Variants in SLC31A2 observed in about 807,000 individuals in gnomAD.
SLC31A2 encodes the protein solute carrier family 31 member 2, also known as protein SLC31A2.
A neutral mutation model predicts 14.4 loss-of-function variants in SLC31A2; 16 were observed. That is an observed-to-expected ratio of 1.11 (90% CI 0.75 to 1.69). The LOEUF is 1.69. Among genes scored for constraint, SLC31A2 ranks in the 40% most tolerant of loss-of-function variants. The probability of loss-of-function intolerance (pLI) is 0.00; values close to 1 mark genes in which losing one functional copy is unlikely to be tolerated. For missense variants in SLC31A2, 140 were observed against 173.9 expected (o/e 0.81, Z 1.10); for synonymous variants, 56 against 68.7 (o/e 0.82, Z 0.91).
At chr9:113,154,365 G>C (rs1055333026) in intron 1 of SLC31A2, among the ~76,000 whole-genome samples, 1 of 152,168 alleles carries the variant, frequency 6.6e-6, no homozygotes, top group East Asian at 1.9e-4. Context: ...CCACGCAGCT[G>C]GTTCCTGGCA....
In SLC31A2 at chr9:113,163,775, T is replaced by G. The variant is rs755159733; in HGVS notation, c.*858T>G. On this transcript the variant is annotated 3_prime_UTR_variant, in exon 4 of 4. Coordinates refer to ENST00000259392, the MANE Select transcript of SLC31A2 (RefSeq NM_001860.3). Reference sequence around the variant, plus strand: ...TTCGTGGCCTCAATGCCCTCCTTTATCCTCATCTTTCTTCTATGCAGAACA... The same window carrying G: ...TTCGTGGCCTCAATGCCCTCCTTTAGCCTCATCTTTCTTCTATGCAGAACA... The G allele has an allele frequency of 6.6e-6, 1 of 152,648 alleles. No individual in the cohort carries two copies. Among genetic ancestry groups the G allele is most frequent in the Non-Finnish European group, 1.5e-5 (1 of 68,060 alleles). The allele number at this position is 152,648 out of a possible 1,614,324, so 9.5% of individuals were successfully genotyped here. A position where few individuals can be genotyped will look rare whatever the true frequency, so the allele number is the denominator to read the frequency against.
chr9:113,161,643 A>G lies in SLC31A2; in HGVS notation c.208A>G (p.Thr70Ala), dbSNP rs1830014212. 1 of 1,613,898 alleles carries G rather than the reference A, an allele frequency of 6.2e-7. No individual in the cohort carries two copies. Among genetic ancestry groups the G allele is most frequent in the Non-Finnish European group, 8.5e-7 (1 of 1,179,904 alleles). ...CATCAGCCAGCAGACCATCGCAGAG[A>G]CAGACGGGGACTCTGCAGGCTCAGA... is the stretch of plus-strand genomic sequence containing the variant. ...TSISQQTIAETDGDSAGSDSF... is the reference protein window; with the variant it reads ...TSISQQTIAEADGDSAGSDSF... The change falls in exon 3 of 4, where the codon ACA (threonine) becomes GCA (alanine). Residue 70 changes from threonine to alanine, a missense_variant. Transcript: ENST00000259392.
intron 2 of SLC31A2, 160 bp downstream of exon 2, chr9:113,157,953 C>T: frequency 1.4e-6 from 1 of 705,228 alleles, no homozygotes; most frequent in South Asian, 1.5e-5. Flanking sequence ...CCATTTGTAA[C>T]CACTCCCCTT....
intron 2 of SLC31A2, chr9:113,161,203 T>C (rs1033077475): frequency 5.1e-6 from 2 of 389,426 alleles, no homozygotes; most frequent in Non-Finnish European, 4.7e-6. Flanking sequence ...CTTGCAGTAC[T>C]CATCACTTAA....
At chr9:113,153,297 A>G (rs1829892815) in intron 1 of SLC31A2, among the ~76,000 whole-genome samples, 1 of 152,110 alleles carries the variant, frequency 6.6e-6, no homozygotes, top group Non-Finnish European at 1.5e-5. Flanking sequence ...AGTCTTCAAC[A>G]TGATCTTTAT....
intron 2 of SLC31A2, 176 bp downstream of exon 2, chr9:113,157,969 C>T (rs1011859890): frequency 2.5e-5 from 17 of 688,578 alleles, no homozygotes; most frequent in Admixed American, 2.0e-4. Flanking sequence ...CCCTTCAGAT[C>T]GCAAAGGGCT....
chr9:113,160,018 TA>T (rs1321263460), intron 2 of SLC31A2, among the ~76,000 whole-genome samples: 25 of 151,986 alleles, frequency 1.6e-4, no homozygotes, highest in African/African-American at 5.8e-4. Flanking sequence ...CTACTAAAAA[TA>T]CAAAAAAATT....
intron 1 of SLC31A2, chr9:113,152,214 A>G (rs1475650929): frequency 6.6e-6 from 1 of 152,264 alleles, no homozygotes; most frequent in East Asian, 1.9e-4. Context: ...CCCCACCCTG[A>G]AAAAAGCACA....
chr9:113,155,731 C>T (rs1181183621), intron 1 of SLC31A2, among the ~76,000 whole-genome samples: 2 of 152,002 alleles, frequency 1.3e-5, no homozygotes, highest in African/African-American at 4.8e-5. Context: ...CTGTACTTCT[C>T]CCATGGAACA....
In SLC31A2 at chr9:113,151,074, C is replaced by G; in HGVS notation, c.-1C>G. The G allele has an allele frequency of 7.6e-7, 1 of 1,308,572 alleles. No homozygotes were observed. Among genetic ancestry groups the G allele is most frequent in the Non-Finnish European group, 9.8e-7 (1 of 1,020,856 alleles). The allele number at this position is 1,308,572 out of a possible 1,614,324, so 81.1% of individuals were successfully genotyped here. A position where few individuals can be genotyped will look rare whatever the true frequency, so the allele number is the denominator to read the frequency against. ...CCTGGCGCCCGCCCTGCGCACTCAC[C>G]ATGGCGGTAAGGGCCGGGCGCTACG... On this transcript the variant is annotated 5_prime_UTR_variant, in exon 1 of 4. Coordinates refer to ENST00000259392, the MANE Select transcript of SLC31A2 (RefSeq NM_001860.3). This position sits in a 1 kb window ranked among gnomAD's most constrained non-coding sequence, Gnocchi z 4.2.
chr9:113,156,150 G>C, intron 1 of SLC31A2: 1 of 517,826 alleles, frequency 1.9e-6, no homozygotes, highest in South Asian at 1.4e-5. Context: ...ACTGACGTTT[G>C]CCTCCACCGG....
In SLC31A2 at chr9:113,151,033, A is replaced by C; in HGVS notation, c.-42A>C. ...AACTGACTCGGAGCGAGGAGACCCGAGCGAGCAGACGCGGCCCTGGCGCCC... is the reference window on the plus strand; with the variant it reads ...AACTGACTCGGAGCGAGGAGACCCGCGCGAGCAGACGCGGCCCTGGCGCCC... On this transcript the variant is annotated 5_prime_UTR_variant, in exon 1 of 4. Transcript: ENST00000259392. This position sits in a 1 kb window ranked among gnomAD's most constrained non-coding sequence, Gnocchi z 4.2. The C allele has an allele frequency of 7.7e-7, 1 of 1,299,886 alleles. No homozygotes were observed. Among genetic ancestry groups the C allele is most frequent in the Non-Finnish European group, 9.8e-7 (1 of 1,018,432 alleles). The allele number at this position is 1,299,886 out of a possible 1,614,324, so 80.5% of individuals were successfully genotyped here.
chr9:113,162,716 A>G, intron 3 of SLC31A2, 33 bp from the exon 4 acceptor site: 1 of 1,587,956 alleles, frequency 6.3e-7, no homozygotes, highest in Non-Finnish European at 8.6e-7. Context: ...CCAGCTCATT[A>G]CCAGGATTAA....
intron 1 of SLC31A2, among the ~76,000 whole-genome samples, chr9:113,154,500 TA>T (rs1471269177): frequency 2.0e-5 from 3 of 152,206 alleles, no homozygotes; most frequent in Non-Finnish European, 4.4e-5. Flanking sequence ...GGGGGCTGGT[TA>T]AAATCTATGT....
intron 2 of SLC31A2, among the ~76,000 whole-genome samples, chr9:113,159,924 C>T (rs541798517): frequency 2.6e-5 from 4 of 152,326 alleles, no homozygotes; most frequent in African/African-American, 9.6e-5. Flanking sequence ...CCTGTAATCC[C>T]AGCACTTTGG....
intron 2 of SLC31A2, 55 bp from the exon 3 acceptor site, chr9:113,161,454 G>T: frequency 1.3e-6 from 2 of 1,531,914 alleles, no homozygotes; most frequent in South Asian, 2.3e-5. Context: ...GGAGGTGCTG[G>T]AAGGGAAACA....
intron 1 of SLC31A2, among the ~76,000 whole-genome samples, chr9:113,156,500 A>G (rs1266450795): frequency 6.6e-6 from 1 of 152,200 alleles, no homozygotes; most frequent in Non-Finnish European, 1.5e-5. Context: ...AAGCCATGGG[A>G]CTAAAAACTC....
At chr9:113,156,649 T>C (rs1223673962) in intron 1 of SLC31A2, among the ~76,000 whole-genome samples, 1 of 152,200 alleles carries the variant, frequency 6.6e-6, no homozygotes, top group Non-Finnish European at 1.5e-5. Flanking sequence ...GCAGAACTGC[T>C]TGTGCTAGCT....
rs1829888399 is a variant in SLC31A2 at position 113,153,070 on chromosome 9, G to GTTTGGTTT, written c.6+1992_6+1999dup. On this transcript the variant is annotated intron_variant, in intron 1 of 3. Coordinates refer to ENST00000259392, the MANE Select transcript of SLC31A2 (RefSeq NM_001860.3). Reference sequence around the variant, plus strand: ...GAGTTTCACAGTATTGTTTGTACCTGTTTGGTTTTGTATATCAATCTTGCG... The same window carrying GTTTGGTTT: ...GAGTTTCACAGTATTGTTTGTACCTGTTTGGTTTTTTGGTTTTGTATATCAATCTTGCG... 2.0e-5 allele frequency among the ~76,000 whole-genome samples: 3 copies of GTTTGGTTT among 150,236 alleles called. No homozygotes were observed. The South Asian group carries it at 6.3e-4, about 32-fold the overall frequency.
Sources: gnomAD v4.1 joint callset for allele counts (sites outside exome capture counted in the v4.1 genomes callset) on GRCh38, gnomAD v4.1.1 for gene constraint, Gnocchi (gnomAD v3.1) non-coding constraint, MANE v1.5 for transcripts, NCBI Gene and HGNC (gene_info 2026-07-23, HGNC 2026-07-21) for gene names.